Variants in DLG5 observed in about 807,000 individuals in gnomAD.
The protein encoded by DLG5 is discs large MAGUK scaffold protein 5, also known as disks large homolog 5.
A neutral mutation model predicts 189.8 loss-of-function variants in DLG5; 48 were observed. The observed-to-expected ratio is 0.25, with a 90% CI of 0.20 to 0.32. The LOEUF (loss-of-function observed/expected upper bound fraction) is 0.32. Among genes scored for constraint, DLG5 ranks in the 10% least tolerant of loss-of-function variants. The probability of loss-of-function intolerance (pLI) is 1.00; values close to 1 mark genes in which losing one functional copy is unlikely to be tolerated. For synonymous variants in DLG5, 1,016 were observed against 1,054.1 expected (o/e 0.96, Z 0.70); for missense variants, 2,160 against 2,544.7 (o/e 0.85, Z 3.25).
chr10:77,806,035 C>A, intron 26 of DLG5, 174 bp from the exon 27 acceptor site: 1 of 594,202 alleles, frequency 1.7e-6, no homozygotes, highest in Non-Finnish European at 2.9e-6. Context: ...TCGGTACATG[C>A]TGCGGGGGTG....
chr10:77,805,908 G>T (rs1244847867), intron 26 of DLG5, 47 bp from the exon 27 acceptor site: 1 of 1,545,842 alleles, frequency 6.5e-7, no homozygotes, highest in African/African-American at 1.4e-5. Context: ...AGACCCTGCT[G>T]CCCTGCCCTT....
chr10:77,940,020 G>C, the DLG5 span, among the ~76,000 whole-genome samples: 2 of 152,224 alleles, frequency 1.3e-5, no homozygotes, highest in Non-Finnish European at 2.9e-5. Flanking sequence ...AAGCCAAACA[G>C]TCTCTGCGGC....
chr10:77,815,070 G>A (rs1200749812), intron 20 of DLG5, among the ~76,000 whole-genome samples: 2 of 151,978 alleles, frequency 1.3e-5, no homozygotes. Flanking sequence ...CTGGCTCTCC[G>A]TGCCCTGTGG....
chr10:77,906,914 C>T (rs1399309837), intron 1 of DLG5, among the ~76,000 whole-genome samples: 2 of 152,080 alleles, frequency 1.3e-5, no homozygotes, highest in Admixed American at 1.3e-4. Context: ...GTATGAGCCA[C>T]CGCGCCTGGC....
In DLG5 at chr10:77,926,168, G is replaced by A. The variant is rs2131888153; in HGVS notation, c.304+49C>T. On this transcript the variant is annotated intron_variant, in intron 1 of 31. Transcript: ENST00000372391. The surrounding 1 kb of genome is among the most constrained non-coding windows in gnomAD (Gnocchi z 5.2). Reference sequence around the variant, plus strand: ...AGGTACCCTCGGCCAGCAGGAGGGAGAAGCGGAGGGCGCGTCCCAGAGGCG... The same window carrying A: ...AGGTACCCTCGGCCAGCAGGAGGGAAAAGCGGAGGGCGCGTCCCAGAGGCG... 1 of 1,321,710 alleles carries A rather than the reference G, an allele frequency of 7.6e-7. No individual in the cohort carries two copies. 81.9% of individuals were successfully genotyped at this position (1,321,710 alleles called of 1,614,324 possible).
rs1243873327 is a variant in DLG5, at chr10:77,834,055, G to A, written c.1623-16C>T. 6 of 1,606,760 alleles carry A rather than the reference G, an allele frequency of 3.7e-6. No individual in the cohort carries two copies. Among genetic ancestry groups the A allele is most frequent in the Non-Finnish European group, 4.2e-6 (5 of 1,178,620 alleles). On this transcript the variant is annotated splice_polypyrimidine_tract_variant and intron_variant, in intron 8 of 31. Transcript: ENST00000372391. ...ACACAGTGTCCTGGTGGAAGGAGCA[G>A]AGGACAAGGTCATCTCAAGAGGCAT...
chr10:77,834,500 G>A (rs1236905435), intron 8 of DLG5, among the ~76,000 whole-genome samples: 1 of 152,124 alleles, frequency 6.6e-6, no homozygotes, highest in African/African-American at 2.4e-5. Flanking sequence ...CCTGTACCCT[G>A]CAACTAGGAA....
Position 77,926,159 on chromosome 10 carries a change from C to G in DLG5, c.304+58G>C, listed in dbSNP as rs1236907022. On this transcript the variant is annotated intron_variant, in intron 1 of 31. Transcript: ENST00000372391. This position sits in a 1 kb window ranked among gnomAD's most constrained non-coding sequence, Gnocchi z 5.2. ...GCCCCGGCGAGGTACCCTCGGCCAG[C>G]AGGAGGGAGAAGCGGAGGGCGCGTC... The G allele has an allele frequency of 9.9e-6, 13 of 1,308,538 alleles. No individual in the cohort carries two copies. The highest frequency in any genetic ancestry group is 7.7e-5 in the Admixed American group (2 of 26,140). The allele number at this position is 1,308,538 out of a possible 1,614,324, so 81.1% of individuals were successfully genotyped here. A position where few individuals can be genotyped will look rare whatever the true frequency, so the allele number is the denominator to read the frequency against.
At chr10:77,887,939 T>C (rs1845488776) in intron 1 of DLG5, among the ~76,000 whole-genome samples, 1 of 152,190 alleles carries the variant, frequency 6.6e-6, no homozygotes, top group Non-Finnish European at 1.5e-5. Flanking sequence ...AGATCTCTCA[T>C]GGCAGAGAGA....
intron 1 of DLG5, among the ~76,000 whole-genome samples, chr10:77,887,374 T>C (rs1190270313): frequency 6.6e-6 from 1 of 152,206 alleles, no homozygotes. Context: ...GGATGAACAC[T>C]GTCTGAGCCC....
At chr10:77,872,774 C>T (rs985290931) in intron 1 of DLG5, among the ~76,000 whole-genome samples, 3 of 151,996 alleles carry the variant, frequency 2.0e-5, no homozygotes, top group East Asian at 1.9e-4. Context: ...GGGCAGGTGT[C>T]GGCGTCATCT....
chr10:77,816,871 CCTA>C (rs1842082264), intron 19 of DLG5, 133 bp downstream of exon 19: 1 of 1,346,100 alleles, frequency 7.4e-7, no homozygotes, highest in Non-Finnish European at 1.0e-6. Flanking sequence ...CACCACCAGG[CCTA>C]CTGCTGGGCT....
At chr10:77,815,590 G>A (rs1013606222) in intron 20 of DLG5, among the ~76,000 whole-genome samples, 27 of 152,228 alleles carry the variant, frequency 1.8e-4, no homozygotes, top group African/African-American at 6.0e-4. Flanking sequence ...GAACTTGGGA[G>A]GCAGAGATTG....
chr10:77,927,118 T>A, upstream of DLG5: 1 of 168,582 alleles, frequency 5.9e-6, no homozygotes, highest in Non-Finnish European at 1.2e-5. Context: ...GTCCCTCCTC[T>A]CTCCCCTCCC....
intron 1 of DLG5, among the ~76,000 whole-genome samples, chr10:77,890,159 A>G (rs1845563779): frequency 6.6e-6 from 1 of 152,110 alleles, no homozygotes; most frequent in Non-Finnish European, 1.5e-5. Context: ...GGGGCCAAAA[A>G]CCTATAGACA....
At chr10:77,812,692 C>T (rs1325981725) in intron 20 of DLG5, among the ~76,000 whole-genome samples, 1 of 152,194 alleles carries the variant, frequency 6.6e-6, no homozygotes, top group East Asian at 1.9e-4. Flanking sequence ...AGGAGCTGCC[C>T]CACAATATGC....
intron 1 of DLG5, among the ~76,000 whole-genome samples, chr10:77,892,785 AATAT>A (rs1845648896): frequency 6.6e-6 from 1 of 152,230 alleles, no homozygotes; most frequent in Non-Finnish European, 1.5e-5. Flanking sequence ...GTACATGATA[AATAT>A]ATACAGTATT....
At chr10:77,893,305 G>A (rs566095091) in intron 1 of DLG5, among the ~76,000 whole-genome samples, 1 of 152,204 alleles carries the variant, frequency 6.6e-6, no homozygotes, top group Non-Finnish European at 1.5e-5. Context: ...ACTGTCAGGG[G>A]ACAAAGGTAT....
chr10:77,907,976 A>G (rs1402746098), intron 1 of DLG5, among the ~76,000 whole-genome samples: 1 of 152,202 alleles, frequency 6.6e-6, no homozygotes, highest in Non-Finnish European at 1.5e-5. Context: ...CCACCTACAC[A>G]GCATACAACC....
Sources: gnomAD v4.1 joint callset for allele counts (sites outside exome capture counted in the v4.1 genomes callset) on GRCh38, gnomAD v4.1.1 for gene constraint, Gnocchi (gnomAD v3.1) non-coding constraint, MANE v1.5 for transcripts, NCBI Gene and HGNC (gene_info 2026-07-23, HGNC 2026-07-21) for gene names.